GSTCD: variants seen among roughly 807,000 people sequenced by gnomAD.
The protein encoded by GSTCD is glutathione S-transferase C-terminal domain-containing protein.
GSTCD carries 44 observed loss-of-function variants against 68.3 expected under a neutral mutation model. That is an observed-to-expected ratio of 0.64 (90% CI 0.51 to 0.83). The LOEUF is 0.83. GSTCD is among the 40% of genes least tolerant of loss of function. The probability of loss-of-function intolerance (pLI) is 0.00; values close to 1 mark genes in which losing one functional copy is unlikely to be tolerated. For synonymous variants in GSTCD, 273 were observed against 255.2 expected, an observed-to-expected ratio of 1.07 and a Z score of -0.67; for missense variants, 739 against 735.9, an observed-to-expected ratio of 1.00 and a Z score of -0.05.
chr4:105,838,252 C>T (rs1203233226), intron 10 of GSTCD, among the ~76,000 whole-genome samples: 1 of 152,202 alleles, frequency 6.6e-6, no homozygotes, highest in African/African-American at 2.4e-5. Context: ...GCCCAATTCC[C>T]ACAGGGCAGA....
intron 10 of GSTCD, among the ~76,000 whole-genome samples, chr4:105,838,967 G>C (rs1314267032): frequency 6.6e-6 from 1 of 152,020 alleles, no homozygotes; most frequent in Non-Finnish European, 1.5e-5. Context: ...ATATAGTGAG[G>C]TATAGTGACC....
chr4:105,710,232 A>ATTTAT (rs1732479869), intron 1 of GSTCD, among the ~76,000 whole-genome samples: 1 of 85,722 alleles, frequency 1.2e-5, no homozygotes, highest in Non-Finnish European at 2.0e-5. Context: ...GGGCCCATCA[A>ATTTAT]TTTTTTTTTT....
At position 105,719,500 on chromosome 4, in the gene GSTCD, G is replaced by A. The variant is rs1013093207; in HGVS notation, c.867G>A (p.Val289=). The A allele has an allele frequency of 6.2e-7, 1 of 1,613,840 alleles. No individual in the cohort carries two copies. Among genetic ancestry groups the A allele is most frequent in the African/African-American group, 1.3e-5 (1 of 75,028 alleles). ...EGLYFTLADI[V]LLPCIHHFLV... is the part of the protein sequence containing the mutation. Reference sequence around the variant, plus strand: ...TTTACTTCACTCTGGCAGATATTGTGCTCTTGCCCTGTATCCATCATTTCT... The same window carrying A: ...TTTACTTCACTCTGGCAGATATTGTACTCTTGCCCTGTATCCATCATTTCT... The change falls in exon 3 of 12, where the codon GTG becomes GTA. Residue 289 remains valine (V), a synonymous_variant. Transcript: ENST00000515279.
chr4:105,734,498 A>T (rs899908427), intron 5 of GSTCD, among the ~76,000 whole-genome samples: 20 of 151,898 alleles, frequency 1.3e-4, no homozygotes, highest in African/African-American at 4.4e-4. Context: ...AAGCTTGTGC[A>T]TTCATCATGT....
chr4:105,807,933 CATT>C (rs1722588068), intron 5 of GSTCD, among the ~76,000 whole-genome samples: 1 of 152,084 alleles, frequency 6.6e-6, no homozygotes. Flanking sequence ...TTACAACGGT[CATT>C]ATTAAATGGT....
intron 1 of GSTCD, among the ~76,000 whole-genome samples, chr4:105,712,032 G>A (rs1393794240): frequency 3.9e-5 from 6 of 152,130 alleles, no homozygotes; most frequent in Admixed American, 6.6e-5. Context: ...AAGAAAGAAT[G>A]GTGTCATGAA....
chr4:105,762,008 G>A (rs1362206789), intron 5 of GSTCD: 2 of 152,226 alleles, frequency 1.3e-5, no homozygotes. Context: ...TTCCCTAGGT[G>A]TTTTGAGTGA....
At chr4:105,723,357 G>T (rs564167327) in intron 3 of GSTCD, among the ~76,000 whole-genome samples, 1 of 151,758 alleles carries the variant, frequency 6.6e-6, no homozygotes, top group South Asian at 2.1e-4. Flanking sequence ...CTGTATTCAT[G>T]TATTCAACCA....
At chr4:105,728,680 T>TATATAGATATAGATATAGATATAG (rs5860812) in intron 4 of GSTCD, among the ~76,000 whole-genome samples, 1 of 146,850 alleles carries the variant, frequency 6.8e-6, no homozygotes, top group Non-Finnish European at 1.5e-5. Flanking sequence ...TAGATATAGA[T>TATATAGATATAGATATAGATATAG]ATATAGATAT....
At chr4:105,741,456 G>A (rs1313236238) in intron 5 of GSTCD, among the ~76,000 whole-genome samples, 1 of 152,066 alleles carries the variant, frequency 6.6e-6, no homozygotes, top group Non-Finnish European at 1.5e-5. Flanking sequence ...TATAGATTTT[G>A]AAGAAGCTAA....
At chr4:105,798,351 T>C (rs1735981596) in intron 5 of GSTCD, among the ~76,000 whole-genome samples, 1 of 152,058 alleles carries the variant, frequency 6.6e-6, no homozygotes, top group South Asian at 2.1e-4. Flanking sequence ...CCTGTTCATA[T>C]TGATATTGTG....
Position 105,794,839 on chromosome 4 carries a change from TTATCTATCTATCTATC to T in GSTCD, c.1241-28075_1241-28060del, listed in dbSNP as rs148088004. 2.7e-3 allele frequency among the ~76,000 whole-genome samples: 312 copies of T among 114,580 alleles called. 3 individuals are homozygous for T. Among genetic ancestry groups the T allele is most frequent in the African/African-American group, 0.012 (229 of 19,394 alleles). 75.2% of individuals were successfully genotyped at this position (114,580 alleles called of 152,430 possible). ...TTTCTGCTTTTATCTATCTATCTAT[TTATCTATCTATCTATC>T]TATCTATCTATCTATCTATCTATCT... On this transcript the variant is annotated intron_variant, in intron 5 of 11. Transcript: ENST00000515279.
At chr4:105,747,776 A>T (rs1733854633) in intron 5 of GSTCD, among the ~76,000 whole-genome samples, 1 of 152,062 alleles carries the variant, frequency 6.6e-6, no homozygotes, top group Admixed American at 6.6e-5. Context: ...TTTTTGTAAA[A>T]TACTCATCTT....
intron 5 of GSTCD, among the ~76,000 whole-genome samples, chr4:105,785,865 C>T (rs1289704386): frequency 2.0e-5 from 3 of 152,134 alleles, no homozygotes; most frequent in Non-Finnish European, 4.4e-5. Context: ...AAGACATCCA[C>T]TGAAAAACTG....
At chr4:105,776,196 C>T (rs964385253) in intron 5 of GSTCD, among the ~76,000 whole-genome samples, 9 of 152,294 alleles carry the variant, frequency 5.9e-5, no homozygotes, top group Non-Finnish European at 1.0e-4. Flanking sequence ...CCACTCCCCA[C>T]ACCAAGCTCC....
In GSTCD at chr4:105,717,737, G is replaced by A; in HGVS notation, c.124G>A (p.Asp42Asn). The A allele has an allele frequency of 1.9e-6, 3 of 1,613,760 alleles. No individual in the cohort carries two copies. Among genetic ancestry groups the A allele is most frequent in the Non-Finnish European group, 2.5e-6 (3 of 1,179,738 alleles). Reference protein sequence around the residue: ...SVTLFLLSYCDCKIFKICLVV... With the variant: ...SVTLFLLSYCNCKIFKICLVV... Reference sequence around the variant, plus strand: ...AACTTTATTTCTGTTATCTTACTGTGACTGTAAAATCTTTAAAATTTGCTT... The same window carrying A: ...AACTTTATTTCTGTTATCTTACTGTAACTGTAAAATCTTTAAAATTTGCTT... Residue 42 changes from aspartate to asparagine, a missense_variant, in exon 2 of 12, where the codon GAC (aspartate) becomes AAC (asparagine). Asp to Asn is a conservative substitution (Grantham distance 23). Transcript: ENST00000515279.
chr4:105,743,235 C>T (rs1373808615), intron 5 of GSTCD, among the ~76,000 whole-genome samples: 1 of 152,034 alleles, frequency 6.6e-6, no homozygotes, highest in East Asian at 1.9e-4. Context: ...CAGGCATGAC[C>T]CACCGCACCC....
intron 5 of GSTCD, among the ~76,000 whole-genome samples, chr4:105,759,983 G>A (rs545332071): frequency 3.9e-5 from 6 of 152,108 alleles, no homozygotes; most frequent in East Asian, 3.9e-4. Flanking sequence ...TAGTTATTTC[G>A]CAGTCCTCTT....
At chr4:105,806,740 CAA>C (rs1722517949) in intron 5 of GSTCD, among the ~76,000 whole-genome samples, 3 of 151,976 alleles carry the variant, frequency 2.0e-5, no homozygotes, top group Admixed American at 2.0e-4. Flanking sequence ...TCTCTTAATT[CAA>C]AGAGAAAATA....
Sources: gnomAD v4.1 joint callset for allele counts (sites outside exome capture counted in the v4.1 genomes callset) on GRCh38, gnomAD v4.1.1 for gene constraint, MANE v1.5 for transcripts, NCBI Gene and HGNC (gene_info 2026-07-23, HGNC 2026-07-21) for gene names.